The following OSMR variants were observed in gnomAD, a reference collection of about 807,000 sequenced individuals.
OSMR encodes the protein oncostatin M receptor.
Under a neutral mutation model 99.9 loss-of-function variants are expected in OSMR, and 81 were observed. That is an observed-to-expected ratio of 0.81 (90% CI 0.68 to 0.97). The LOEUF (loss-of-function observed/expected upper bound fraction) is 0.97. Ranked by LOEUF, OSMR falls within the 50% of genes least tolerant of loss-of-function variation. The probability of loss-of-function intolerance (pLI) is 0.00; values close to 1 mark genes in which losing one functional copy is unlikely to be tolerated. For missense variants in OSMR, 1,099 were observed against 1,153.4 expected (o/e 0.95, Z 0.68); for synonymous variants, 406 against 410.4 (o/e 0.99, Z 0.13).
intron 1 of OSMR, among the ~76,000 whole-genome samples, chr5:38,859,405 CT>C (rs2112113680): frequency 6.6e-6 from 1 of 152,192 alleles, no homozygotes; most frequent in Admixed American, 6.5e-5. Context: ...AATCATTTGG[CT>C]GTAAAAATGT....
At chr5:38,868,080 C>T (rs1036136690) in intron 1 of OSMR, among the ~76,000 whole-genome samples, 8 of 152,224 alleles carry the variant, frequency 5.3e-5, no homozygotes, top group Admixed American at 3.3e-4. Context: ...TGTATTTGTT[C>T]TCTTTCTAAT....
chr5:38,880,038 G>A (rs1319017563), intron 3 of OSMR, among the ~76,000 whole-genome samples: 2 of 152,234 alleles, frequency 1.3e-5, no homozygotes, highest in East Asian at 3.9e-4. Flanking sequence ...GCAAGAAATG[G>A]AAATAAAATA....
intron 7 of OSMR, among the ~76,000 whole-genome samples, chr5:38,889,464 C>T (rs1388251242): frequency 6.6e-6 from 1 of 152,034 alleles, no homozygotes; most frequent in Non-Finnish European, 1.5e-5. Flanking sequence ...AGTTTAACGT[C>T]TTCAATTTTG....
Position 38,869,403 on chromosome 5 carries a change from A to G in OSMR, c.73+286A>G, listed in dbSNP as rs534647905. 5.3e-5 allele frequency among the ~76,000 whole-genome samples: 8 copies of G among 152,298 alleles called. No homozygotes were observed. In the South Asian group the frequency reaches 1.7e-3, roughly 32 times the overall value. ...AATAGACCTAATCCCATAGAATTTC[A>G]TGATGGATATATTTTATCAGACCAT... On this transcript the variant is annotated intron_variant, in intron 2 of 17. Coordinates refer to ENST00000274276, the MANE Select transcript of OSMR (RefSeq NM_003999.3).
At chr5:38,928,696 A>G (rs970433579) in intron 15 of OSMR, among the ~76,000 whole-genome samples, 6 of 152,146 alleles carry the variant, frequency 3.9e-5, no homozygotes, top group African/African-American at 9.7e-5. Flanking sequence ...CAGCCAAACC[A>G]TATCAGACAG....
chr5:38,891,932 T>A lies in OSMR; in HGVS notation c.991+5742T>A, dbSNP rs577963593. 3.9e-5 allele frequency among the ~76,000 whole-genome samples: 6 copies of A among 152,134 alleles called. No homozygotes were observed. In the South Asian group the frequency reaches 1.2e-3, roughly 32 times the overall value. ...CTCCAGGAAGCACCCAGACTGCAGA[T>A]CACATGATCCCCCACCCCTGCCGCC... On this transcript the variant is annotated intron_variant, in intron 7 of 17. Transcript: ENST00000274276.
Position 38,919,071 on chromosome 5 carries a change from G to A in OSMR, c.1585+9G>A, listed in dbSNP as rs766786516. On this transcript the variant is annotated intron_variant, in intron 11 of 17. Coordinates refer to ENST00000274276, the MANE Select transcript of OSMR (RefSeq NM_003999.3). ...TGCAGACCCCGAAAACAGTGAGTTT[G>A]TTTTCATTTTCTTTTGTTTTTATTC... is the stretch of plus-strand genomic sequence containing the variant. 1 of 1,613,760 alleles carries A rather than the reference G, an allele frequency of 6.2e-7. No homozygotes were observed. The highest frequency in any genetic ancestry group is 1.3e-5 in the African/African-American group (1 of 75,020).
At chr5:38,942,881 C>T (rs145082202) in intron 1 of OSMR, 21 of 1,611,830 alleles carry the variant, frequency 1.3e-5, no homozygotes, top group Middle Eastern at 1.7e-4. Flanking sequence ...ACCTCCGACA[C>T]GGAAGTCTGA....
At chr5:38,865,761 G>A (rs1741889906) in intron 1 of OSMR, among the ~76,000 whole-genome samples, 1 of 151,598 alleles carries the variant, frequency 6.6e-6, no homozygotes, top group Non-Finnish European at 1.5e-5. Context: ...GGTGCCAGCA[G>A]TGGCAGTGGT....
chr5:38,907,735 T>A (rs1745334816), intron 9 of OSMR, among the ~76,000 whole-genome samples: 1 of 152,148 alleles, frequency 6.6e-6, no homozygotes, highest in Non-Finnish European at 1.5e-5. Context: ...CCTACTGACA[T>A]GCATCAGCCC....
At chr5:38,925,496 T>C in intron 15 of OSMR, 125 bp downstream of exon 15, 1 of 810,654 alleles carries the variant, frequency 1.2e-6, no homozygotes, top group Non-Finnish European at 2.1e-6. Context: ...CCTTCTCACC[T>C]CCCTCTTTCT....
At chr5:38,944,349 T>C in intron 2 of OSMR, 2 of 1,249,918 alleles carry the variant, frequency 1.6e-6, no homozygotes, top group South Asian at 1.3e-5. Context: ...ACTACTGATG[T>C]AAGTTAACTA....
chr5:38,918,966 CT>C lies in OSMR; in HGVS notation c.1491del (p.Asp498ThrfsTer10). 1 of 1,614,150 alleles carries C rather than the reference CT, an allele frequency of 6.2e-7. No homozygotes were observed. ...PAPANSTKLI[L>X]DRCSYQICVI... is the part of the protein sequence containing the mutation. ...ACCAGCCAACAGCACAAAACTAATC[CT>C]TGACAGGTGTTCCTACCAAATCTGC... On this transcript the variant is annotated frameshift_variant, in exon 11 of 18. Transcript: ENST00000274276. LOFTEE classifies it high-confidence loss of function.
chr5:38,846,369 C>A lies in OSMR; in HGVS notation c.-32C>A, dbSNP rs1346405815. ...TCGGACGGCGCTCGGAGGGTCCTCG[C>A]CCCCGGCCTGCCTACCTGGTGGGTG... On this transcript the variant is annotated 5_prime_UTR_variant, in exon 1 of 18. Transcript: ENST00000274276. 3.3e-5 allele frequency: 5 copies of A among 152,312 alleles called. No individual in the cohort carries two copies. Among genetic ancestry groups the A allele is most frequent in the African/African-American group, 9.6e-5 (4 of 41,476 alleles). 9.4% of individuals were successfully genotyped at this position (152,312 alleles called of 1,614,324 possible).
chr5:38,928,256 C>A (rs1746560651), intron 15 of OSMR, among the ~76,000 whole-genome samples: 1 of 152,182 alleles, frequency 6.6e-6, no homozygotes, highest in Admixed American at 6.5e-5. Context: ...CTGCCTGATA[C>A]CCAGTTCCAA....
chr5:38,864,872 A>T (rs750295412), intron 1 of OSMR, among the ~76,000 whole-genome samples: 38 of 152,140 alleles, frequency 2.5e-4, no homozygotes, highest in Non-Finnish European at 8.8e-5. Context: ...CAAAAATTTG[A>T]GTATTTGGTC....
rs1372113165 is a variant in OSMR at position 38,904,408 on chromosome 5, C to T, written c.1190C>T (p.Ala397Val). 6.2e-7 allele frequency: 1 copy of T among 1,614,134 alleles called. No individual in the cohort carries two copies. Among genetic ancestry groups the T allele is most frequent in the Non-Finnish European group, 8.5e-7 (1 of 1,180,018 alleles). ...GEYFLSELEP[A>V]TEYMARVRCA... Reference sequence around the variant, plus strand: ...TACTTCTTAAGTGAACTGGAACCTGCCACAGAGTACATGGCGCGAGTACGG... The same window carrying T: ...TACTTCTTAAGTGAACTGGAACCTGTCACAGAGTACATGGCGCGAGTACGG... Residue 397 changes from alanine (A) to valine (V), a missense_variant, in exon 9 of 18, where the codon GCC (alanine) becomes GTC (valine). Transcript: ENST00000274276.
chr5:38,862,044 G>A (rs1741417975), intron 1 of OSMR, among the ~76,000 whole-genome samples: 7 of 118,306 alleles, frequency 5.9e-5, no homozygotes, highest in Admixed American at 3.9e-4. Context: ...CAGTAGGGGC[G>A]GCCGGGCAGA....
chr5:38,933,387 CGA>C lies in OSMR; in HGVS notation c.2886_2887del (p.Asn963Ter). 1.2e-6 allele frequency: 2 copies of C among 1,614,048 alleles called. No homozygotes were observed. Among genetic ancestry groups the C allele is most frequent in the African/African-American group, 2.7e-5 (2 of 75,020 alleles). ...TGCGTCTTGCCTTGCCTCCCCCGAC[CGA>C]GAATAGCAGCCTCTCCTCAATTACC... ...SLRLALPPPT[E>X]NSSLSSITLL... is the part of the protein sequence containing the mutation. On this transcript the variant is annotated frameshift_variant, in exon 18 of 18. Coordinates refer to ENST00000274276, the MANE Select transcript of OSMR (RefSeq NM_003999.3). LOFTEE classifies it low-confidence loss of function (END_TRUNC).
Sources: allele counts gnomAD v4.1 joint callset (sites outside exome capture counted in the v4.1 genomes callset), GRCh38; gene constraint gnomAD v4.1.1; transcripts MANE v1.5; gene names NCBI Gene and HGNC (gene_info 2026-07-23, HGNC 2026-07-21).